The following RGS6 variants were observed in gnomAD, a reference collection of about 807,000 sequenced individuals.
RGS6 encodes regulator of G protein signaling 6.
Under a neutral mutation model 78.5 loss-of-function variants are expected in RGS6, and 30 were observed. That is an observed-to-expected ratio of 0.38 (90% CI 0.29 to 0.52). The LOEUF (loss-of-function observed/expected upper bound fraction) is 0.52. RGS6 is among the 20% of genes least tolerant of loss of function. The pLI is 0.85. For synonymous variants in RGS6, 206 were observed against 206.0 expected (o/e 1.00, Z 0.00); for missense variants, 495 against 609.7 (o/e 0.81, Z 1.98).
At chr14:72,428,533 C>T (rs1344240225) in intron 3 of RGS6, among the ~76,000 whole-genome samples, 3 of 152,156 alleles carry the variant, frequency 2.0e-5, no homozygotes, top group Non-Finnish European at 4.4e-5. Context: ...AGAGGAGGCT[C>T]AGCCCTCTCT....
At chr14:72,109,016 G>T (rs1479303363) in intron 2 of RGS6, among the ~76,000 whole-genome samples, 1 of 151,854 alleles carries the variant, frequency 6.6e-6, no homozygotes, top group African/African-American at 2.4e-5. Flanking sequence ...TGTTCAGATG[G>T]ATTTTTCTAA....
chr14:72,313,919 C>T (rs1473193533), intron 2 of RGS6, among the ~76,000 whole-genome samples: 1 of 152,188 alleles, frequency 6.6e-6, no homozygotes, highest in South Asian at 2.1e-4. Flanking sequence ...ATTTACTTTT[C>T]CCAGCTTTTT....
chr14:72,615,603 C>G, the RGS6 span, among the ~76,000 whole-genome samples: 1 of 152,186 alleles, frequency 6.6e-6, no homozygotes, highest in African/African-American at 2.4e-5. Flanking sequence ...CTCCTTCCCT[C>G]CCTTCCACCC....
chr14:72,524,229 T>C (rs1354057504), intron 15 of RGS6, among the ~76,000 whole-genome samples: 2 of 152,198 alleles, frequency 1.3e-5, no homozygotes, highest in East Asian at 3.9e-4. Flanking sequence ...AACTGAATTT[T>C]CAGGTCCTGG....
At chr14:72,212,680 A>G (rs1276517027) in intron 2 of RGS6, among the ~76,000 whole-genome samples, 2 of 152,182 alleles carry the variant, frequency 1.3e-5, no homozygotes, top group African/African-American at 4.8e-5. Context: ...TAATTTTGGA[A>G]GATACAAGGA....
intron 2 of RGS6, among the ~76,000 whole-genome samples, chr14:72,262,107 C>G (rs1400371888): frequency 1.3e-5 from 2 of 151,966 alleles, no homozygotes; most frequent in African/African-American, 4.8e-5. Context: ...AAGGCAGCCT[C>G]TAGTTTCCTA....
At chr14:72,152,221 TGAGAGAGA>T (rs1200791259) in intron 2 of RGS6, among the ~76,000 whole-genome samples, 34 of 146,766 alleles carry the variant, frequency 2.3e-4, no homozygotes, top group South Asian at 1.3e-3. Flanking sequence ...GGCAGCTGCA[TGAGAGAGA>T]GAGAGAGAGA....
the RGS6 span, among the ~76,000 whole-genome samples, chr14:72,590,899 G>A: frequency 6.6e-6 from 1 of 152,120 alleles, no homozygotes. Flanking sequence ...GGAGAGAGGA[G>A]GCAACAGGAT....
At chr14:72,350,270 G>T (rs2078866429) in intron 2 of RGS6, among the ~76,000 whole-genome samples, 1 of 152,138 alleles carries the variant, frequency 6.6e-6, no homozygotes. Flanking sequence ...TTCCCTGTTT[G>T]GCTGATTTTC....
intron 2 of RGS6, among the ~76,000 whole-genome samples, chr14:72,272,368 A>G (rs2060072960): frequency 6.6e-6 from 1 of 152,188 alleles, no homozygotes; most frequent in South Asian, 2.1e-4. Flanking sequence ...CTTGGATTTT[A>G]GCTTCTCTCC....
At chr14:72,034,860 A>G (rs151269578) in intron 2 of RGS6, among the ~76,000 whole-genome samples, 361 of 152,206 alleles carry the variant, frequency 2.4e-3, no homozygotes, top group Non-Finnish European at 3.5e-3. Flanking sequence ...ATATTCCCCT[A>G]TTATCTGAGA....
chr14:72,068,710 T>C (rs948978198), intron 2 of RGS6, among the ~76,000 whole-genome samples: 2 of 151,832 alleles, frequency 1.3e-5, no homozygotes, highest in African/African-American at 4.8e-5. Context: ...TTGGCTAGGC[T>C]GGTCTTGAAC....
At chr14:72,311,571 T>A (rs1243127630) in intron 2 of RGS6, among the ~76,000 whole-genome samples, 3 of 152,210 alleles carry the variant, frequency 2.0e-5, no homozygotes, top group African/African-American at 7.2e-5. Flanking sequence ...AAACTTGTTA[T>A]AGCCAAGCCC....
chr14:72,540,821 G>C, intron 17 of RGS6: 2 of 985,408 alleles, frequency 2.0e-6, no homozygotes, highest in Non-Finnish European at 2.4e-6. Context: ...ATGGGCTTCA[G>C]ATTCCTACAG....
chr14:71,878,467 G>A, the RGS6 span, among the ~76,000 whole-genome samples: 32 of 152,290 alleles, frequency 2.1e-4, no homozygotes, highest in East Asian at 5.6e-3. Flanking sequence ...CTCCATGGGC[G>A]TGGGACCCTC....
intron 2 of RGS6, among the ~76,000 whole-genome samples, chr14:72,037,066 G>A (rs1010219442): frequency 1.3e-5 from 2 of 152,028 alleles, no homozygotes; most frequent in African/African-American, 2.4e-5. Context: ...ACCAATCAGC[G>A]CTTTGTGTCT....
rs148299185 is a variant in RGS6, at chr14:72,259,182, A to T, written c.85-92913A>T. 9.1e-4 allele frequency among the ~76,000 whole-genome samples: 139 copies of T among 152,304 alleles called. 2 individuals are homozygous for T. The East Asian group carries it at 0.026, about 29-fold the overall frequency. On this transcript the variant is annotated intron_variant, in intron 2 of 17. Coordinates refer to ENST00000553525, the MANE Select transcript of RGS6 (RefSeq NM_001204424.2). ...TTTTGTTTTGTTTTGTTTAGGCTTG[A>T]TGTCTAAAAAGTTTGATCCAACATT...
chr14:72,537,891 C>T (rs142379942), intron 16 of RGS6, among the ~76,000 whole-genome samples: 1 of 152,276 alleles, frequency 6.6e-6, no homozygotes, highest in Non-Finnish European at 1.5e-5. Flanking sequence ...AAATGCACCC[C>T]AAACCAGGCT....
chr14:72,168,277 G>C (rs771217297), intron 2 of RGS6, among the ~76,000 whole-genome samples: 4 of 152,008 alleles, frequency 2.6e-5, no homozygotes, highest in African/African-American at 4.8e-5. Context: ...CCCTCAAACA[G>C]ATGGTCCCCC....
Sources: gnomAD v4.1 joint callset for allele counts (sites outside exome capture counted in the v4.1 genomes callset) on GRCh38, gnomAD v4.1.1 for gene constraint, MANE v1.5 for transcripts, NCBI Gene and HGNC (gene_info 2026-07-23, HGNC 2026-07-21) for gene names.